TRPS1: variants seen among roughly 807,000 people sequenced by gnomAD.
TRPS1 encodes zinc finger transcription factor Trps1.
A neutral mutation model predicts 101.2 loss-of-function variants in TRPS1; 6 were observed. The ratio of observed to expected loss-of-function variants is 0.06; its 90% confidence interval spans 0.03 to 0.12. TRPS1 has a LOEUF of 0.12. TRPS1 is among the 10% of genes least tolerant of loss of function. The pLI, the probability that TRPS1 is intolerant of heterozygous loss-of-function variation, is 1.00. For synonymous variants in TRPS1, 578 were observed against 589.8 expected (o/e 0.98, Z 0.29); for missense variants, 1,363 against 1,567.0 (o/e 0.87, Z 2.20).
At chr8:115,606,551 C>A (rs1818042108) in intron 3 of TRPS1, among the ~76,000 whole-genome samples, 1 of 152,066 alleles carries the variant, frequency 6.6e-6, no homozygotes. Context: ...AATGACAGAG[C>A]ATCAACCAGC....
intron 1 of TRPS1, among the ~76,000 whole-genome samples, chr8:115,663,798 C>T (rs547478937): frequency 3.3e-5 from 5 of 150,464 alleles, no homozygotes; most frequent in Admixed American, 2.6e-4. Flanking sequence ...GCTGCAGGGA[C>T]CAGTAGAGTT....
intron 5 of TRPS1, among the ~76,000 whole-genome samples, chr8:115,571,219 G>A (rs1817195493): frequency 6.6e-6 from 1 of 152,130 alleles, no homozygotes; most frequent in African/African-American, 2.4e-5. Context: ...TATACTCAGG[G>A]TAGTTCCTTT....
chr8:115,625,465 G>T (rs576288420), intron 1 of TRPS1, among the ~76,000 whole-genome samples: 1 of 151,816 alleles, frequency 6.6e-6, no homozygotes, highest in East Asian at 1.9e-4. Flanking sequence ...CTATAGAACA[G>T]CAAACCACCG....
chr8:115,442,820 G>C (rs939995025), intron 5 of TRPS1, among the ~76,000 whole-genome samples: 1 of 151,468 alleles, frequency 6.6e-6, no homozygotes, highest in Non-Finnish European at 1.5e-5. Flanking sequence ...GGCCAGGCGC[G>C]GTGGCTCACG....
intron 1 of TRPS1, among the ~76,000 whole-genome samples, chr8:115,655,475 C>G (rs548202782): frequency 2.6e-5 from 4 of 152,260 alleles, no homozygotes; most frequent in African/African-American, 9.6e-5. Flanking sequence ...AGAGTCATCT[C>G]AGAGACTACA....
Position 115,668,664 on chromosome 8 carries a change from GA to G in TRPS1, c.-242del. 1 of 152,568 alleles carries G rather than the reference GA, an allele frequency of 6.6e-6. No homozygotes were observed. Among genetic ancestry groups the G allele is most frequent in the Non-Finnish European group, 1.5e-5 (1 of 68,524 alleles). 9.5% of individuals were successfully genotyped at this position (152,568 alleles called of 1,614,324 possible). A position where few individuals can be genotyped will look rare whatever the true frequency, so the allele number is the denominator to read the frequency against. On this transcript the variant is annotated 5_prime_UTR_variant, in exon 1 of 7. Transcript: ENST00000395715. Reference sequence around the variant, plus strand: ...ATCTTGGATTATTGCGGGGGGGAGAGAAAAAGGTCTTTCCTGCCTCCCCCCC... The same window carrying G: ...ATCTTGGATTATTGCGGGGGGGAGAGAAAAGGTCTTTCCTGCCTCCCCCCC...
intron 5 of TRPS1, among the ~76,000 whole-genome samples, chr8:115,535,610 C>T (rs1036896175): frequency 6.7e-6 from 1 of 150,144 alleles, no homozygotes; most frequent in Non-Finnish European, 1.5e-5. Flanking sequence ...CCCTGTAATC[C>T]CAGCACTTTG....
chr8:115,615,335 G>A (rs944723849), intron 3 of TRPS1, among the ~76,000 whole-genome samples: 43 of 152,114 alleles, frequency 2.8e-4, no homozygotes, highest in African/African-American at 1.0e-3. Context: ...CTGATCTGAG[G>A]GCTAAAAGCT....
chr8:115,482,024 C>T (rs1814766641), intron 5 of TRPS1, among the ~76,000 whole-genome samples: 1 of 152,062 alleles, frequency 6.6e-6, no homozygotes, highest in Non-Finnish European at 1.5e-5. Context: ...TAAGGAAGTA[C>T]AGAGGAGGAA....
chr8:115,438,189 C>T (rs2129865603), intron 5 of TRPS1, among the ~76,000 whole-genome samples: 1 of 152,322 alleles, frequency 6.6e-6, no homozygotes, highest in South Asian at 2.1e-4. Flanking sequence ...CCATGGCACA[C>T]TAAATGAGAC....
chr8:115,574,948 G>C (rs1817282777), intron 5 of TRPS1, among the ~76,000 whole-genome samples: 1 of 152,006 alleles, frequency 6.6e-6, no homozygotes, highest in Non-Finnish European at 1.5e-5. Flanking sequence ...CTATTTCTTA[G>C]CTATCACTGC....
chr8:115,517,229 G>A (rs1345575921), intron 5 of TRPS1, among the ~76,000 whole-genome samples: 1 of 151,632 alleles, frequency 6.6e-6, no homozygotes, highest in Non-Finnish European at 1.5e-5. Context: ...TTATCATTTA[G>A]ATAGATATCC....
At chr8:115,646,952 G>T (rs934899286) in intron 1 of TRPS1, among the ~76,000 whole-genome samples, 4 of 152,032 alleles carry the variant, frequency 2.6e-5, no homozygotes, top group African/African-American at 9.7e-5. Context: ...AGCAATACTA[G>T]AAGTTGAAGT....
At chr8:115,553,569 A>G (rs1033569950) in intron 5 of TRPS1, among the ~76,000 whole-genome samples, 1 of 152,092 alleles carries the variant, frequency 6.6e-6, no homozygotes, top group Non-Finnish European at 1.5e-5. Flanking sequence ...ACAATATTCT[A>G]TTTTCCTCTT....
chr8:115,535,324 G>GCATATATAT (rs1816279812), intron 5 of TRPS1, among the ~76,000 whole-genome samples: 1 of 40,188 alleles, frequency 2.5e-5, no homozygotes, highest in Admixed American at 2.4e-4. Context: ...AGCATATATA[G>GCATATATAT]AGCATATATA....
intron 5 of TRPS1, among the ~76,000 whole-genome samples, chr8:115,454,784 G>A (rs1813974368): frequency 6.6e-6 from 1 of 152,002 alleles, no homozygotes; most frequent in South Asian, 2.1e-4. Context: ...TTGTTACAAT[G>A]CATGAAATGT....
At chr8:115,582,658 T>A (rs561979338) in intron 5 of TRPS1, among the ~76,000 whole-genome samples, 1 of 152,246 alleles carries the variant, frequency 6.6e-6, no homozygotes, top group South Asian at 2.1e-4. Context: ...GCCCTTCCTT[T>A]GAAAGTCAGT....
chr8:115,466,467 A>C (rs1486528383), intron 5 of TRPS1, among the ~76,000 whole-genome samples: 1 of 152,192 alleles, frequency 6.6e-6, no homozygotes, highest in Non-Finnish European at 1.5e-5. Flanking sequence ...CTTTAATGCA[A>C]ACTCTACAGT....
rs1818711109 is a variant in TRPS1 at position 115,634,013 on chromosome 8, A to T, written c.-121-10255T>A. On this transcript the variant is annotated intron_variant, in intron 1 of 6. Coordinates refer to ENST00000395715, the MANE Select transcript of TRPS1 (RefSeq NM_014112.5). ...GTGTACTAGCAACTAACCAAAACAA[A>T]CAACAACAACAAAAAAAAAGGCAGC... Among the ~76,000 whole-genome samples, 2 of 137,906 alleles carry T rather than the reference A, an allele frequency of 1.5e-5. 1 individual carries two copies. Among genetic ancestry groups the T allele is most frequent in the Non-Finnish European group, 2.9e-5 (2 of 67,992 alleles). The allele number at this position is 137,906 out of a possible 152,430, so 90.5% of individuals were successfully genotyped here.
Sources: allele counts gnomAD v4.1 joint callset (sites outside exome capture counted in the v4.1 genomes callset), GRCh38; gene constraint gnomAD v4.1.1; transcripts MANE v1.5; gene names NCBI Gene and HGNC (gene_info 2026-07-23, HGNC 2026-07-21).